The following N4BP2L2 variants were observed in gnomAD, a reference collection of about 807,000 sequenced individuals.
The protein encoded by N4BP2L2 is NEDD4-binding protein 2-like 2.
Under a neutral mutation model 56.2 loss-of-function variants are expected in N4BP2L2, and 50 were observed. That is an observed-to-expected ratio of 0.89 (90% CI 0.71 to 1.13). The LOEUF is 1.13. N4BP2L2 is among the 50% of genes most tolerant of loss of function. The pLI, the probability that N4BP2L2 is intolerant of heterozygous loss-of-function variation, is 0.00. For missense variants in N4BP2L2, 689 were observed against 693.8 expected (o/e 0.99, Z 0.08); for synonymous variants, 203 against 223.6 (o/e 0.91, Z 0.82).
In N4BP2L2 at chr13:32,463,663, C is replaced by CAA. The variant is rs35920030; in HGVS notation, c.366-19539_366-19538dup. Among the ~76,000 whole-genome samples the CAA allele has an allele frequency of 8.7e-3, 900 of 103,842 alleles. 3 individuals are homozygous for CAA. Among genetic ancestry groups the CAA allele is most frequent in the East Asian group, 0.011 (35 of 3,062 alleles). 68.1% of individuals were successfully genotyped at this position (103,842 alleles called of 152,430 possible). ...TGGGCAACAGAGCAAGACTTGGTCT[C>CAA]AAAAAAAAAAAAAAAAAAGGGGGCA... is the stretch of plus-strand genomic sequence containing the variant. On this transcript the variant is annotated intron_variant, in intron 6 of 9. Transcript: ENST00000357505.
rs1221846156 is a variant in N4BP2L2 at position 32,517,481 on chromosome 13, A to C, written c.*321T>G. 4.8e-6 allele frequency: 5 copies of C among 1,048,552 alleles called. No homozygotes were observed. The East Asian group carries it at 3.9e-4, about 82-fold the overall frequency. 65.0% of individuals were successfully genotyped at this position (1,048,552 alleles called of 1,614,324 possible). ...GATATGAACTATTAAAAAACTGTTC[A>C]ATAGTGTCTATAAAATAGATAAATT... On this transcript the variant is annotated 3_prime_UTR_variant, in exon 6 of 6. Coordinates refer to ENST00000267068, the Ensembl canonical transcript of N4BP2L2.
intron 2 of N4BP2L2, among the ~76,000 whole-genome samples, chr13:32,534,244 T>C (rs1219654463): frequency 6.6e-6 from 1 of 152,218 alleles, no homozygotes; most frequent in Non-Finnish European, 1.5e-5. Flanking sequence ...AATATACATA[T>C]TATATCTAAT....
chr13:32,491,633 A>ATTT (rs1279782685), intron 6 of N4BP2L2, among the ~76,000 whole-genome samples: 1 of 114,054 alleles, frequency 8.8e-6, no homozygotes, highest in African/African-American at 3.6e-5. Flanking sequence ...ATATATATAT[A>ATTT]TATTTTTTTT....
At chr13:32,517,199 T>A in exon 6 of N4BP2L2, 1 of 984,964 alleles carries the variant, frequency 1.0e-6, no homozygotes, top group Non-Finnish European at 1.2e-6. Flanking sequence ...ACAAGATGAA[T>A]ATGCATATTA....
intron 3 of N4BP2L2, chr13:32,525,306 C>A (rs1221538734): frequency 3.3e-5 from 5 of 152,068 alleles, no homozygotes; most frequent in Admixed American, 2.6e-4. Flanking sequence ...TGCTATGCCA[C>A]CCTCTAATAT....
Position 32,438,831 on chromosome 13 carries a change from A to T in N4BP2L2, c.2105-94T>A, listed in dbSNP as rs565975476. The T allele has an allele frequency of 7.6e-6, 6 of 793,666 alleles. No homozygotes were observed. In the East Asian group the frequency reaches 1.6e-4, roughly 21 times the overall value. 49.2% of individuals were successfully genotyped at this position (793,666 alleles called of 1,614,324 possible). Reference sequence around the variant, plus strand: ...ATGCAAACCTGATCTCTAATTCACCATACCATTAAAAGTCTGGTTTTAAAG... The same window carrying T: ...ATGCAAACCTGATCTCTAATTCACCTTACCATTAAAAGTCTGGTTTTAAAG... On this transcript the variant is annotated intron_variant, in intron 7 of 9. Coordinates refer to the N4BP2L2 transcript ENST00000357505.
At chr13:32,478,393 A>G (rs570181255) in intron 6 of N4BP2L2, 1 of 187,034 alleles carries the variant, frequency 5.3e-6, no homozygotes, top group Non-Finnish European at 1.1e-5. Context: ...TTCCTGAGAG[A>G]TGGAAATAAT....
At chr13:32,451,863 C>CA (rs1273638497) in intron 6 of N4BP2L2, among the ~76,000 whole-genome samples, 1 of 151,858 alleles carries the variant, frequency 6.6e-6, no homozygotes, top group Non-Finnish European at 1.5e-5. Flanking sequence ...TAAAAAGAAA[C>CA]AGAAAGCCTG....
intron 5 of N4BP2L2, among the ~76,000 whole-genome samples, chr13:32,519,876 A>G (rs78655300): frequency 0.02 from 3,064 of 152,350 alleles, 50 homozygotes; most frequent in Middle Eastern, 0.058. Context: ...ATAAATTTTA[A>G]CAATTCCTCA....
intron 7 of N4BP2L2, among the ~76,000 whole-genome samples, chr13:32,441,671 C>T (rs964717882): frequency 8.9e-5 from 13 of 146,458 alleles, no homozygotes; most frequent in Admixed American, 4.9e-4. Context: ...GCGACAAGAG[C>T]GAAACTCCCT....
chr13:32,532,906 AAAAT>A (rs1490208304), intron 2 of N4BP2L2, among the ~76,000 whole-genome samples: 2 of 151,440 alleles, frequency 1.3e-5, no homozygotes, highest in African/African-American at 4.8e-5. Context: ...TAAAAAAAAA[AAAAT>A]AGAGACAGGG....
At chr13:32,514,387 T>C (rs544429483) in exon 6 of N4BP2L2, 1 of 152,214 alleles carries the variant, frequency 6.6e-6, no homozygotes, top group Non-Finnish European at 1.5e-5. Context: ...TACAATTTAA[T>C]CTTACTGAAC....
intron 6 of N4BP2L2, among the ~76,000 whole-genome samples, chr13:32,489,783 T>A (rs2086663884): frequency 6.9e-6 from 1 of 145,478 alleles, no homozygotes; most frequent in Non-Finnish European, 1.5e-5. Context: ...AAAAAAAAAC[T>A]TGCAGTTCAT....
Position 32,440,837 on chromosome 13 carries a change from C to A in N4BP2L2, c.2104+1551G>T, listed in dbSNP as rs565322338. Among the ~76,000 whole-genome samples the A allele has an allele frequency of 7.4e-5, 11 of 149,596 alleles. No individual in the cohort carries two copies. The South Asian group carries it at 2.3e-3, about 32-fold the overall frequency. On this transcript the variant is annotated intron_variant, in intron 7 of 9. Transcript: ENST00000357505. The stretch of plus-strand genomic sequence containing the variant: ...TATTCACATGTAGATTTTTTCATTT[C>A]CAAAAATAACAATCTTTTTTTTTTT...
At chr13:32,530,294 C>T (rs1198438742) in intron 2 of N4BP2L2, among the ~76,000 whole-genome samples, 3 of 151,926 alleles carry the variant, frequency 2.0e-5, no homozygotes, top group South Asian at 2.1e-4. Flanking sequence ...TTTCAAATTC[C>T]GTGAATTACT....
intron 6 of N4BP2L2, chr13:32,446,411 A>G: frequency 7.3e-7 from 1 of 1,363,514 alleles, no homozygotes; most frequent in Non-Finnish European, 9.8e-7. Context: ...TCAGTTATGA[A>G]ATTCATCCTG....
chr13:32,478,292 C>G (rs528870576), intron 6 of N4BP2L2: 26 of 258,626 alleles, frequency 1.0e-4, no homozygotes, highest in African/African-American at 5.5e-4. Context: ...ATTTAATGAC[C>G]CCAAATTATT....
chr13:32,517,190 C>T, exon 6 of N4BP2L2: 2 of 985,052 alleles, frequency 2.0e-6, no homozygotes, highest in Non-Finnish European at 1.2e-6. Flanking sequence ...GTATGCATTA[C>T]AAGATGAATA....
At chr13:32,453,917 G>A (rs1267366898) in intron 6 of N4BP2L2, among the ~76,000 whole-genome samples, 1 of 152,080 alleles carries the variant, frequency 6.6e-6, no homozygotes, top group African/African-American at 2.4e-5. Flanking sequence ...ATATTTAAAG[G>A]CAAATGAATT....
Sources: gnomAD v4.1 joint callset for allele counts (sites outside exome capture counted in the v4.1 genomes callset) on GRCh38, gnomAD v4.1.1 for gene constraint, MANE v1.5 for transcripts, NCBI Gene and HGNC (gene_info 2026-07-23, HGNC 2026-07-21) for gene names.